TCF7L1: variants seen among roughly 807,000 people sequenced by gnomAD.
TCF7L1 encodes the protein transcription factor 7 like 1, also known as transcription factor 7-like 1.
In TCF7L1, 18 loss-of-function variants were observed where a neutral mutation model predicts 63.7. That is an observed-to-expected ratio of 0.28 (90% confidence interval 0.20 to 0.42). The LOEUF (loss-of-function observed/expected upper bound fraction) is 0.42. Ranked by LOEUF, TCF7L1 falls within the 10% of genes least tolerant of loss-of-function variation. The pLI is 1.00. For missense variants in TCF7L1, 654 were observed against 779.3 expected, an observed-to-expected ratio of 0.84 and a Z score of 1.91; for synonymous variants, 355 against 340.9, an observed-to-expected ratio of 1.04 and a Z score of -0.46.
chr2:85,303,773 A>G (rs1265456206), intron 5 of TCF7L1, 122 bp from the exon 6 acceptor site: 1 of 698,692 alleles, frequency 1.4e-6, no homozygotes, highest in Non-Finnish European at 2.4e-6. Context: ...AAGGACAATG[A>G]CACAAGCACC....
At chr2:85,266,552 C>T (rs956168679) in intron 3 of TCF7L1, among the ~76,000 whole-genome samples, 3 of 152,208 alleles carry the variant, frequency 2.0e-5, no homozygotes, top group African/African-American at 4.8e-5. Context: ...ACCAGGTCAC[C>T]GGCTCCTGGG....
At chr2:85,155,956 A>G (rs991563211) in intron 3 of TCF7L1, among the ~76,000 whole-genome samples, 1 of 152,238 alleles carries the variant, frequency 6.6e-6, no homozygotes, top group Admixed American at 6.5e-5. Flanking sequence ...AGTTTGGCTC[A>G]TATGTGGTCC....
intron 3 of TCF7L1, among the ~76,000 whole-genome samples, chr2:85,189,644 C>T (rs939617316): frequency 3.3e-5 from 5 of 152,330 alleles, no homozygotes; most frequent in South Asian, 2.1e-4. Flanking sequence ...TGTGGAAGGA[C>T]GGCCTCCCTT....
chr2:85,264,187 G>A (rs1680917916), intron 3 of TCF7L1, among the ~76,000 whole-genome samples: 1 of 152,180 alleles, frequency 6.6e-6, no homozygotes, highest in Non-Finnish European at 1.5e-5. Flanking sequence ...AATGGAAATT[G>A]AAGAGGAAGA....
intron 4 of TCF7L1, among the ~76,000 whole-genome samples, chr2:85,285,875 A>C (rs1681534843): frequency 1.3e-5 from 2 of 152,102 alleles, no homozygotes; most frequent in Non-Finnish European, 2.9e-5. Context: ...TCTACTTTTC[A>C]AGAATGTTAT....
chr2:85,142,046 T>G (rs1677749747), intron 3 of TCF7L1, among the ~76,000 whole-genome samples: 1 of 152,166 alleles, frequency 6.6e-6, no homozygotes, highest in Non-Finnish European at 1.5e-5. Flanking sequence ...TGTGTATTGA[T>G]TGAAAGGAAG....
At chr2:85,276,805 G>A (rs1046334027) in intron 3 of TCF7L1, among the ~76,000 whole-genome samples, 18 of 152,174 alleles carry the variant, frequency 1.2e-4, no homozygotes, top group Non-Finnish European at 7.3e-5. Context: ...GGAGCTTACC[G>A]TCCCAAGGGC....
At chr2:85,194,301 G>A (rs1679103140) in intron 3 of TCF7L1, among the ~76,000 whole-genome samples, 2 of 152,156 alleles carry the variant, frequency 1.3e-5, no homozygotes, top group Admixed American at 6.5e-5. Context: ...GGCCAAGGCG[G>A]GTGGATTACT....
intron 3 of TCF7L1, among the ~76,000 whole-genome samples, chr2:85,176,284 C>T (rs1290472245): frequency 6.6e-6 from 1 of 152,210 alleles, no homozygotes; most frequent in Non-Finnish European, 1.5e-5. Context: ...CATATGTTTA[C>T]ACTGCAGCCT....
chr2:85,303,803 A>G, intron 5 of TCF7L1, 92 bp from the exon 6 acceptor site: 1 of 956,082 alleles, frequency 1.0e-6, no homozygotes, highest in Middle Eastern at 2.2e-4. Flanking sequence ...CCAGAGCACC[A>G]GGGACATAGG....
intron 3 of TCF7L1, among the ~76,000 whole-genome samples, chr2:85,270,343 T>A (rs902771773): frequency 6.6e-6 from 1 of 152,216 alleles, no homozygotes. Context: ...TGCCATCTAG[T>A]CACATTCTTG....
In TCF7L1 at chr2:85,306,283, A is replaced by T. The variant is rs1207690624; in HGVS notation, c.1067A>T (p.Tyr356Phe). Residue 356 changes from tyrosine to phenylalanine, a missense_variant, in exon 9 of 12, where the codon TAT becomes TTT. Tyr to Phe is a conservative substitution (Grantham distance 22, BLOSUM62 3). Around this residue, in one of 3 missense-constraint regions of TCF7L1, gnomAD observed 66 missense variants for 120.5 expected, o/e 0.55. Transcript: ENST00000282111. The surrounding 1 kb of genome is among the most constrained non-coding windows in gnomAD (Gnocchi z 4.3). Reference sequence around the variant, plus strand: ...AAGCCTCTGAATGCCTTCATGTTGTATATGAAGGAGATGAGGGCCAAGGTG... The same window carrying T: ...AAGCCTCTGAATGCCTTCATGTTGTTTATGAAGGAGATGAGGGCCAAGGTG... ...VKKPLNAFML[Y>F]MKEMRAKVVA... is the part of the protein sequence containing the mutation. 7 of 1,614,222 alleles carry T rather than the reference A, an allele frequency of 4.3e-6. No individual in the cohort carries two copies. The highest frequency in any genetic ancestry group is 4.2e-6 in the Non-Finnish European group (5 of 1,180,046).
chr2:85,218,646 G>GGGC (rs1553400283), intron 3 of TCF7L1, among the ~76,000 whole-genome samples: 1 of 150,192 alleles, frequency 6.7e-6, no homozygotes, highest in Non-Finnish European at 1.5e-5. Context: ...CAATGGGGGG[G>GGGC]GGAAAACTGG....
In TCF7L1 at chr2:85,309,567, C is replaced by A; in HGVS notation, c.*105C>A. On this transcript the variant is annotated 3_prime_UTR_variant, in exon 12 of 12. Transcript: ENST00000282111. ...TTGGTCAATATTTGACCACTCTGGA[C>A]TGTTCTGTAAAGTGGCTGGTAACAA... The A allele has an allele frequency of 8.0e-7, 1 of 1,248,458 alleles. No individual in the cohort carries two copies. Among genetic ancestry groups the A allele is most frequent in the Non-Finnish European group, 1.1e-6 (1 of 927,276 alleles). The allele number at this position is 1,248,458 out of a possible 1,614,324, so 77.3% of individuals were successfully genotyped here. A position where few individuals can be genotyped will look rare whatever the true frequency, so the allele number is the denominator to read the frequency against.
In TCF7L1 at chr2:85,302,533, C is replaced by G. The variant is rs1284081196; in HGVS notation, c.575C>G (p.Thr192Ser). 1 of 1,614,108 alleles carries G rather than the reference C, an allele frequency of 6.2e-7. No homozygotes were observed. Among genetic ancestry groups the G allele is most frequent in the African/African-American group, 1.3e-5 (1 of 74,944 alleles). Residue 192 changes from threonine to serine, a missense_variant, in exon 5 of 12, where the codon ACT becomes AGT. Physicochemically the swap from Thr to Ser is moderately conservative, Grantham distance 58. Transcript: ENST00000282111. ...VQHPHHMHPL[T>S]PLITYSNDHF... ...CACCCGCATCACATGCATCCGCTGA[C>G]TCCCCTCATCACCTACAGCAATGAC...
chr2:85,225,856 GT>G (rs1553401023), intron 3 of TCF7L1, among the ~76,000 whole-genome samples: 2 of 152,172 alleles, frequency 1.3e-5, no homozygotes, highest in Non-Finnish European at 2.9e-5. Context: ...TCTTGTGCCG[GT>G]TTTCAAAGGG....
chr2:85,236,507 C>T (rs946896124), intron 3 of TCF7L1, among the ~76,000 whole-genome samples: 1 of 152,120 alleles, frequency 6.6e-6, no homozygotes, highest in African/African-American at 2.4e-5. Flanking sequence ...CCTGGTGTGT[C>T]CCTGGAGCCC....
At chr2:85,150,586 CT>C (rs71390054) in intron 3 of TCF7L1, among the ~76,000 whole-genome samples, 1,667 of 140,400 alleles carry the variant, frequency 0.012, 35 homozygotes, top group African/African-American at 0.039. Flanking sequence ...AGAACCTTGA[CT>C]TTTTTTTTTT....
Position 85,134,358 on chromosome 2 carries a change from C to A in TCF7L1, c.349C>A (p.Pro117Thr). The change falls in exon 3 of 12, where the codon CCC (proline) becomes ACC (threonine). Residue 117 changes from proline to threonine, a missense_variant. Physicochemically the swap from Pro to Thr is conservative, Grantham distance 38. Around this residue, in one of 3 missense-constraint regions of TCF7L1, gnomAD observed 404 missense variants for 454.8 expected, o/e 0.89. Coordinates refer to ENST00000282111, the MANE Select transcript of TCF7L1 (RefSeq NM_031283.3). The surrounding 1 kb of genome is among the most constrained non-coding windows in gnomAD (Gnocchi z 5.0). Reference sequence around the variant, plus strand: ...TCAGGACAGCGCGTTCTTTAAAGGACCCCCGTACCCTGGGTACCCCTTCCT... The same window carrying A: ...TCAGGACAGCGCGTTCTTTAAAGGAACCCCGTACCCTGGGTACCCCTTCCT... ...RPQDSAFFKG[P>T]PYPGYPFLMI... The A allele has an allele frequency of 6.3e-7, 1 of 1,583,526 alleles. No homozygotes were observed. The highest frequency in any genetic ancestry group is 8.6e-7 in the Non-Finnish European group (1 of 1,164,120).
Sources: gnomAD v4.1 joint callset for allele counts (sites outside exome capture counted in the v4.1 genomes callset) on GRCh38, gnomAD v4.1.1 for gene constraint, gnomAD v4.1.1 regional missense constraint, Gnocchi (gnomAD v3.1) non-coding constraint, MANE v1.5 for transcripts, NCBI Gene and HGNC (gene_info 2026-07-23, HGNC 2026-07-21) for gene names.